Variants in ZNF704 observed in about 807,000 individuals in gnomAD.
The protein encoded by ZNF704 is glucocorticoid induced gene 1.
Under a neutral mutation model 44.7 loss-of-function variants are expected in ZNF704, and 10 were observed. The ratio of observed to expected loss-of-function variants is 0.22; its 90% CI spans 0.14 to 0.38. The LOEUF is 0.38. ZNF704 is among the 10% of genes least tolerant of loss of function. The pLI is 1.00. For synonymous variants in ZNF704, 211 were observed against 207.6 expected (o/e 1.02, Z -0.14); for missense variants, 390 against 545.5 (o/e 0.71, Z 2.84).
intron 1 of ZNF704, among the ~76,000 whole-genome samples, chr8:80,823,713 G>A (rs1265205831): frequency 6.6e-6 from 1 of 152,158 alleles, no homozygotes; most frequent in African/African-American, 2.4e-5. Flanking sequence ...GTGCCCCTCT[G>A]AGACGAAGCT....
intron 4 of ZNF704, among the ~76,000 whole-genome samples, chr8:80,671,215 C>A (rs1324518669): frequency 1.3e-5 from 2 of 152,184 alleles, no homozygotes; most frequent in African/African-American, 4.8e-5. Context: ...GCAGCCTCCG[C>A]CTCCTGGGCT....
intron 4 of ZNF704, among the ~76,000 whole-genome samples, chr8:80,683,471 G>C (rs1818486506): frequency 6.6e-6 from 1 of 152,164 alleles, no homozygotes; most frequent in Non-Finnish European, 1.5e-5. Flanking sequence ...CATAGCTGTA[G>C]CTATGTCTGA....
intron 1 of ZNF704, among the ~76,000 whole-genome samples, chr8:80,873,392 C>T: frequency 6.6e-6 from 1 of 151,178 alleles, no homozygotes; most frequent in African/African-American, 2.5e-5. Context: ...CTGCCCCGCG[C>T]GGCCGCCCGC....
chr8:80,778,091 C>T (rs1156332574), intron 2 of ZNF704, among the ~76,000 whole-genome samples: 6 of 152,078 alleles, frequency 3.9e-5, no homozygotes, highest in African/African-American at 7.2e-5. Context: ...AAGAATCACC[C>T]ATTGAGAAAA....
chr8:80,728,600 A>G (rs1197750357), intron 2 of ZNF704, among the ~76,000 whole-genome samples: 1 of 152,160 alleles, frequency 6.6e-6, no homozygotes, highest in Admixed American at 6.5e-5. Context: ...TGTATTTATT[A>G]TTATTATCCC....
intron 4 of ZNF704, among the ~76,000 whole-genome samples, chr8:80,672,400 A>G (rs539433840): frequency 6.6e-6 from 1 of 152,376 alleles, no homozygotes; most frequent in African/African-American, 2.4e-5. Context: ...CATTCGACCC[A>G]GCAATCCCAT....
At chr8:80,867,543 A>G (rs1809176810) in intron 1 of ZNF704, among the ~76,000 whole-genome samples, 1 of 152,040 alleles carries the variant, frequency 6.6e-6, no homozygotes, top group South Asian at 2.1e-4. Flanking sequence ...TCGGTGGTCA[A>G]ATGAAAGTAC....
chr8:80,777,438 AAAG>A (rs1807433023), intron 2 of ZNF704, among the ~76,000 whole-genome samples: 1 of 152,178 alleles, frequency 6.6e-6, no homozygotes, highest in Non-Finnish European at 1.5e-5. Flanking sequence ...AACCTACAGA[AAAG>A]CTAAAATCAT....
chr8:80,699,320 T>C (rs1818773189), intron 2 of ZNF704, among the ~76,000 whole-genome samples: 1 of 152,110 alleles, frequency 6.6e-6, no homozygotes. Flanking sequence ...AAGTGGTAAA[T>C]GTTAACTCTT....
chr8:80,819,548 AG>A (rs1331120653), intron 2 of ZNF704, among the ~76,000 whole-genome samples: 11 of 148,646 alleles, frequency 7.4e-5, no homozygotes, highest in East Asian at 1.9e-4. Context: ...CTACAGACTT[AG>A]GAAAAAAAAA....
At chr8:80,733,678 A>T (rs1563535038) in intron 2 of ZNF704, among the ~76,000 whole-genome samples, 1 of 152,148 alleles carries the variant, frequency 6.6e-6, no homozygotes, top group African/African-American at 2.4e-5. Context: ...AAGCCCTGCT[A>T]CATTTCTCAG....
intron 1 of ZNF704, among the ~76,000 whole-genome samples, chr8:80,845,057 T>C (rs2129978531): frequency 6.6e-6 from 1 of 152,278 alleles, no homozygotes; most frequent in East Asian, 1.9e-4. Flanking sequence ...GAATGGAAGT[T>C]ACAGAACTAT....
intron 2 of ZNF704, among the ~76,000 whole-genome samples, chr8:80,773,518 G>C (rs1246685433): frequency 3.3e-5 from 5 of 152,130 alleles, no homozygotes; most frequent in Admixed American, 2.6e-4. Context: ...AACTCAAGAG[G>C]AGAATGTTAT....
At chr8:80,746,894 G>C (rs1246245196) in intron 2 of ZNF704, among the ~76,000 whole-genome samples, 1 of 152,124 alleles carries the variant, frequency 6.6e-6, no homozygotes, top group Non-Finnish European at 1.5e-5. Context: ...TGAAAATATA[G>C]TTGGGAAAGT....
chr8:80,833,300 A>G (rs1808500241), intron 1 of ZNF704, among the ~76,000 whole-genome samples: 1 of 152,214 alleles, frequency 6.6e-6, no homozygotes, highest in African/African-American at 2.4e-5. Context: ...CAGTAAGCCA[A>G]GATTGTGCCA....
In ZNF704 at chr8:80,680,091, A is replaced by G. The variant is rs1818429619; in HGVS notation, c.558+7135T>C. ...AATGGTTTCATACTTGGAATATACG[A>G]AGTAGCTTCTATTTTCTTGACAGAA... is the stretch of plus-strand genomic sequence containing the variant. On this transcript the variant is annotated intron_variant, in intron 4 of 8. Coordinates refer to ENST00000327835, the MANE Select transcript of ZNF704 (RefSeq NM_001033723.3). Among the ~76,000 whole-genome samples, 5 of 152,092 alleles carry G rather than the reference A, an allele frequency of 3.3e-5. No individual in the cohort carries two copies. The South Asian group carries it at 1.0e-3, about 31-fold the overall frequency.
chr8:80,857,519 T>C (rs1808983147), intron 1 of ZNF704, among the ~76,000 whole-genome samples: 1 of 152,158 alleles, frequency 6.6e-6, no homozygotes. Context: ...AATCTACTAA[T>C]ACAGTGAATT....
intron 8 of ZNF704, among the ~76,000 whole-genome samples, chr8:80,642,755 C>T (rs1360357800): frequency 1.3e-5 from 2 of 152,044 alleles, no homozygotes; most frequent in African/African-American, 2.4e-5. Context: ...GAGATTAATA[C>T]AACATGGCTC....
At chr8:80,818,255 T>C (rs1808209389) in intron 2 of ZNF704, among the ~76,000 whole-genome samples, 1 of 152,164 alleles carries the variant, frequency 6.6e-6, no homozygotes, top group African/African-American at 2.4e-5. Context: ...AGGGAACTGA[T>C]TTTAAATGAT....
Sources: gnomAD v4.1 joint callset for allele counts (sites outside exome capture counted in the v4.1 genomes callset) on GRCh38, gnomAD v4.1.1 for gene constraint, MANE v1.5 for transcripts, NCBI Gene and HGNC (gene_info 2026-07-23, HGNC 2026-07-21) for gene names.